The following SLC1A7 variants were observed in gnomAD, a reference collection of about 807,000 sequenced individuals.
SLC1A7 encodes excitatory amino acid transporter 5.
In SLC1A7, 40 loss-of-function variants were observed where a neutral mutation model predicts 47.7. The observed-to-expected ratio is 0.84, with a 90% CI of 0.65 to 1.09. The LOEUF (loss-of-function observed/expected upper bound fraction) is 1.09, where lower values mean the gene tolerates loss of function less well. Among genes scored for constraint, SLC1A7 ranks in the 50% least tolerant of loss-of-function variants. SLC1A7 has a pLI of 0.00. For synonymous variants in SLC1A7, 323 were observed against 325.6 expected (o/e 0.99, Z 0.09); for missense variants, 746 against 769.5 (o/e 0.97, Z 0.36).
chr1:53,138,927 G>A (rs6694665), intron 1 of SLC1A7, among the ~76,000 whole-genome samples: 12,187 of 151,784 alleles, frequency 0.08, 595 homozygotes, highest in African/African-American at 0.14. Flanking sequence ...ATCTTCACTC[G>A]CAGCTCCAGA....
chr1:53,099,070 ACT>A (rs753192160), intron 5 of SLC1A7, among the ~76,000 whole-genome samples: 2 of 150,806 alleles, frequency 1.3e-5, no homozygotes, highest in South Asian at 2.1e-4. Flanking sequence ...ACCTCTGTAC[ACT>A]CACACACCCC....
chr1:53,090,535 C>T (rs1644408309), intron 8 of SLC1A7, 77 bp downstream of exon 8: 13 of 1,461,404 alleles, frequency 8.9e-6, no homozygotes, highest in Admixed American at 2.6e-5. Context: ...TCAGATACCC[C>T]TCAAGTCTGG....
chr1:53,109,034 A>G (rs1343922629), intron 3 of SLC1A7, among the ~76,000 whole-genome samples: 1 of 152,072 alleles, frequency 6.6e-6, no homozygotes, highest in Non-Finnish European at 1.5e-5. Flanking sequence ...TACATAAAAC[A>G]CAGAACGTGC....
At chr1:53,138,265 C>T (rs993626128) in intron 1 of SLC1A7, among the ~76,000 whole-genome samples, 42 of 152,264 alleles carry the variant, frequency 2.8e-4, no homozygotes, top group African/African-American at 9.9e-4. Context: ...TTGGTAATTT[C>T]ATGGTGATGG....
In SLC1A7 at chr1:53,113,998, C is replaced by T. The variant is rs1041810127; in HGVS notation, c.431+760G>A. ...TGCTCTCACCGGCAGCCCCAGCTTCCCCATTGCAGCCCCAGGCCCCCATGT... is the reference window on the plus strand; with the variant it reads ...TGCTCTCACCGGCAGCCCCAGCTTCTCCATTGCAGCCCCAGGCCCCCATGT... On this transcript the variant is annotated intron_variant, in intron 3 of 10. Coordinates refer to ENST00000371494, the MANE Select transcript of SLC1A7 (RefSeq NM_006671.6). Among the ~76,000 whole-genome samples, 4 of 152,168 alleles carry T rather than the reference C, an allele frequency of 2.6e-5. No individual in the cohort carries two copies. The East Asian group carries it at 7.7e-4, about 29-fold the overall frequency.
Position 53,090,810 on chromosome 1 carries a change from C to T in SLC1A7, c.1032-4G>A, listed in dbSNP as rs369146208. 113 of 1,607,820 alleles carry T rather than the reference C, an allele frequency of 7.0e-5. No homozygotes were observed. The highest frequency in any genetic ancestry group is 4.6e-4 in the Admixed American group (27 of 59,100). On this transcript the variant is annotated splice_region_variant and splice_polypyrimidine_tract_variant and intron_variant, in intron 7 of 10. Transcript: ENST00000371494. ...GGTGATGGGCAGTGTGGCTGAGCTA[C>T]GGTTAGAGGGGCCGGTGTCTGCCCA...
In SLC1A7 at chr1:53,134,370, GATC is replaced by G. The variant is rs775658490; in HGVS notation, c.192_194del (p.Met64del). 4 of 1,613,202 alleles carry G rather than the reference GATC, an allele frequency of 2.5e-6. No individual in the cohort carries two copies. The highest frequency in any genetic ancestry group is 3.4e-6 in the Non-Finnish European group (4 of 1,179,536). ...CTCACCTGGAGACCACCAGTGGCAG[GATC>G]ATCATCTTCAGCATCCTCATCAGGA... On this transcript the variant is annotated inframe_deletion, in exon 2 of 11. Transcript: ENST00000371494.
At chr1:53,125,168 G>A (rs2150340100) in intron 2 of SLC1A7, among the ~76,000 whole-genome samples, 1 of 152,268 alleles carries the variant, frequency 6.6e-6, no homozygotes, top group East Asian at 1.9e-4. Context: ...ATGGGAGGGG[G>A]GCCCCAATGC....
chr1:53,096,405 C>T (rs753760195), intron 5 of SLC1A7, among the ~76,000 whole-genome samples: 10 of 145,260 alleles, frequency 6.9e-5, no homozygotes, highest in African/African-American at 2.6e-4. Context: ...TCACACGCCT[C>T]GCCTCGGTAC....
intron 7 of SLC1A7, chr1:53,091,054 G>A: frequency 8.8e-7 from 1 of 1,138,290 alleles, no homozygotes; most frequent in Non-Finnish European, 1.2e-6. Flanking sequence ...GCTGACCCAT[G>A]TCACACTGCT....
At position 53,114,928 on chromosome 1, in the gene SLC1A7, G is replaced by A. The variant is rs141621931; in HGVS notation, c.261C>T (p.Arg87=). Reference sequence around the variant, plus strand: ...AGTACGCCACGGTGAGGACGCCCAGGCGGCTAGAGGTCTTGGCATCCAGGG... The same window carrying A: ...AGTACGCCACGGTGAGGACGCCCAGACGGCTAGAGGTCTTGGCATCCAGGG... ...LASLDAKTSS[R]LGVLTVAYYL... Residue 87 remains arginine, a synonymous_variant, in exon 3 of 11, where the codon CGC becomes CGT. Coordinates refer to ENST00000371494, the MANE Select transcript of SLC1A7 (RefSeq NM_006671.6). 6.2e-7 allele frequency: 1 copy of A among 1,614,034 alleles called. No individual in the cohort carries two copies. The highest frequency in any genetic ancestry group is 8.5e-7 in the Non-Finnish European group (1 of 1,180,052).
In SLC1A7 at chr1:53,112,946, C is replaced by T. The variant is rs374850205; in HGVS notation, c.431+1812G>A. ...GAGGGAGCACCTGCTCCAGCTCACC[C>T]CTCTCCCAGTCTGGGCAGCCCTTCC... is the stretch of plus-strand genomic sequence containing the variant. On this transcript the variant is annotated intron_variant, in intron 3 of 10. Transcript: ENST00000371494. 7.2e-5 allele frequency among the ~76,000 whole-genome samples: 11 copies of T among 152,262 alleles called. 1 individual carries two copies. In the East Asian group the frequency reaches 9.7e-4, roughly 13 times the overall value.
At chr1:53,114,468 C>A in intron 3 of SLC1A7, 1 of 446,986 alleles carries the variant, frequency 2.2e-6, no homozygotes, top group South Asian at 3.9e-5. Context: ...CCAATAACAG[C>A]CAGCCTCCCA....
chr1:53,135,016 G>C (rs777705412), intron 1 of SLC1A7, among the ~76,000 whole-genome samples: 7 of 152,070 alleles, frequency 4.6e-5, no homozygotes, highest in African/African-American at 7.2e-5. Flanking sequence ...GGCGGATAAG[G>C]GGGGACTGCT....
chr1:53,109,801 C>A (rs1644683543), intron 3 of SLC1A7, among the ~76,000 whole-genome samples: 1 of 152,180 alleles, frequency 6.6e-6, no homozygotes, highest in Admixed American at 6.5e-5. Context: ...TCCGTCTGTC[C>A]TAAGATGGTG....
Position 53,103,537 on chromosome 1 carries a change from G to T in SLC1A7, c.506C>A (p.Ser169Tyr). 2 of 1,607,900 alleles carry T rather than the reference G, an allele frequency of 1.2e-6. No homozygotes were observed. Among genetic ancestry groups the T allele is most frequent in the Non-Finnish European group, 1.7e-6 (2 of 1,176,542 alleles). ...GGCCTCCTCTGGTGCCACCTTGGGG[G>T]ACTTGACAACTGGGGTGGTCTTGGT... The part of the protein sequence containing the change: ...YRTKTTPVVK[S>Y]PKVAPEEAPP... The change falls in exon 5 of 11, where the codon TCC becomes TAC. Residue 169 changes from serine to tyrosine, a missense_variant. By Grantham distance (144) the Ser-to-Tyr change is moderately radical. Transcript: ENST00000371494.
chr1:53,114,749 A>G lies in SLC1A7; in HGVS notation c.431+9T>C. Reference sequence around the variant, plus strand: ...CGTTCCCAAGCGGGGTGTGGGTGGCAATAGTTACCGGATGAGGTCCAACAG... The same window carrying G: ...CGTTCCCAAGCGGGGTGTGGGTGGCGATAGTTACCGGATGAGGTCCAACAG... On this transcript the variant is annotated intron_variant, in intron 3 of 10. Coordinates refer to ENST00000371494, the MANE Select transcript of SLC1A7 (RefSeq NM_006671.6). The G allele has an allele frequency of 6.2e-7, 1 of 1,611,946 alleles. No homozygotes were observed. The highest frequency in any genetic ancestry group is 2.2e-5 in the East Asian group (1 of 44,834).
chr1:53,127,797 G>T (rs778582386), intron 2 of SLC1A7, among the ~76,000 whole-genome samples: 27 of 152,284 alleles, frequency 1.8e-4, no homozygotes, highest in Non-Finnish European at 3.8e-4. Flanking sequence ...GTCAATGCTG[G>T]GCCCTCAGGC....
intron 2 of SLC1A7, among the ~76,000 whole-genome samples, chr1:53,123,841 G>A (rs1459646118): frequency 6.6e-6 from 1 of 152,236 alleles, no homozygotes; most frequent in East Asian, 1.9e-4. Flanking sequence ...TCATCTGACT[G>A]GGCAGAAGGG....
Sources: gnomAD v4.1 joint callset for allele counts (sites outside exome capture counted in the v4.1 genomes callset) on GRCh38, gnomAD v4.1.1 for gene constraint, MANE v1.5 for transcripts, NCBI Gene and HGNC (gene_info 2026-07-23, HGNC 2026-07-21) for gene names.